The following CYP3A5 variants were observed in gnomAD, a reference collection of about 807,000 sequenced individuals.
CYP3A5 encodes cytochrome P450 3A5.
A neutral mutation model predicts 55.9 loss-of-function variants in CYP3A5; 51 were observed. That is an observed-to-expected ratio of 0.91 (90% confidence interval 0.73 to 1.15). The LOEUF (loss-of-function observed/expected upper bound fraction) is 1.15, where lower values mean the gene tolerates loss of function less well. Ranked by LOEUF, CYP3A5 falls within the 50% of genes most tolerant of loss-of-function variation. The pLI is 0.00. For synonymous variants in CYP3A5, 196 were observed against 213.9 expected, an observed-to-expected ratio of 0.92 and a Z score of 0.73; for missense variants, 533 against 596.6, an observed-to-expected ratio of 0.89 and a Z score of 1.11.
intron 10 of CYP3A5, among the ~76,000 whole-genome samples, chr7:99,656,004 A>G (rs1809686918): frequency 6.6e-6 from 1 of 152,210 alleles, no homozygotes; most frequent in Non-Finnish European, 1.5e-5. Context: ...TTTTCTAGAT[A>G]TACAATCATG....
chr7:99,679,719 T>C, intron 1 of CYP3A5, 107 bp downstream of exon 1: 1 of 1,064,840 alleles, frequency 9.4e-7, no homozygotes, highest in Non-Finnish European at 1.4e-6. Context: ...CTTCAGCTAC[T>C]TCTCCTTGAA....
chr7:99,669,703 G>T (rs1031910796), intron 4 of CYP3A5, among the ~76,000 whole-genome samples: 1 of 152,174 alleles, frequency 6.6e-6, no homozygotes, highest in Admixed American at 6.5e-5. Flanking sequence ...TAGAGGTATT[G>T]ATGATGAATA....
chr7:99,667,538 T>G lies in CYP3A5; in HGVS notation c.319-473A>C, dbSNP rs139447658. Among the ~76,000 whole-genome samples the G allele has an allele frequency of 3.2e-3, 485 of 152,270 alleles. 1 individual carries two copies. Among genetic ancestry groups the G allele is most frequent in the African/African-American group, 0.011 (472 of 41,550 alleles). ...TGGTGATTTTTTTTTGAAAAGTAGG[T>G]AATACTTAAAGACTAGAAACCTGTT... On this transcript the variant is annotated intron_variant, in intron 4 of 12. Transcript: ENST00000222982.
intron 12 of CYP3A5, 56 bp downstream of exon 12, chr7:99,650,017 A>G: frequency 2.5e-6 from 4 of 1,591,250 alleles, no homozygotes; most frequent in Non-Finnish European, 3.4e-6. Context: ...CTTTTAAAAA[A>G]TATATACCCT....
intron 10 of CYP3A5, chr7:99,658,777 C>A (rs980067644): frequency 6.6e-6 from 1 of 152,038 alleles, no homozygotes; most frequent in Non-Finnish European, 1.5e-5. Flanking sequence ...GGCTTTGTTC[C>A]TTTCTTTTTA....
chr7:99,666,753 G>A lies in CYP3A5; in HGVS notation c.433-64C>T. On this transcript the variant is annotated intron_variant, in intron 5 of 12. Transcript: ENST00000222982. ...CAGACTCAAGTCCCAGAAGGATATG[G>A]CTTTCTCCAGCATGGAGCAGTAAGT... 3 of 1,612,384 alleles carry A rather than the reference G, an allele frequency of 1.9e-6. No individual in the cohort carries two copies. In the South Asian group the frequency reaches 3.3e-5, roughly 18 times the overall value.
chr7:99,670,155 A>G (rs912718743), intron 4 of CYP3A5, among the ~76,000 whole-genome samples: 2 of 152,212 alleles, frequency 1.3e-5, no homozygotes, highest in Non-Finnish European at 2.9e-5. Context: ...TAAAGATTTT[A>G]TGCTTTGTGA....
chr7:99,665,084 G>A, intron 7 of CYP3A5, 82 bp downstream of exon 7: 1 of 1,180,260 alleles, frequency 8.5e-7, no homozygotes, highest in Non-Finnish European at 1.2e-6. Flanking sequence ...CCTTTTAAGT[G>A]GATGAATTAT....
At chr7:99,667,398 G>A (rs1262924624) in intron 4 of CYP3A5, among the ~76,000 whole-genome samples, 1 of 152,224 alleles carries the variant, frequency 6.6e-6, no homozygotes, top group Non-Finnish European at 1.5e-5. Context: ...TTCCCCAGGA[G>A]TGTGCAGAGT....
In CYP3A5 at chr7:99,662,828, C is replaced by T. The variant is rs774855888; in HGVS notation, c.853G>A (p.Glu285Lys). The change falls in exon 9 of 13, where the codon GAG (glutamate) becomes AAG (lysine). Residue 285 changes from glutamate (E) to lysine (K), a missense_variant. By Grantham distance (56) the Glu-to-Lys change is moderately conservative (BLOSUM62 1). Coordinates refer to ENST00000222982, the MANE Select transcript of CYP3A5 (RefSeq NM_000777.5). This position sits in a 1 kb window ranked among gnomAD's most constrained non-coding sequence, Gnocchi z 4.3. The stretch of plus-strand genomic sequence containing the variant: ...ACTCCTTGGTTACCTTTGTGGGACT[C>T]AGTTTCTTTCGAATTCTGGGAGTCA... ...MIDSQNSKET[E>K]SHKALSDLEL... 6.2e-7 allele frequency: 1 copy of T among 1,613,978 alleles called. No homozygotes were observed. Among genetic ancestry groups the T allele is most frequent in the South Asian group, 1.1e-5 (1 of 91,072 alleles).
rs77374360 is a variant in CYP3A5, at chr7:99,669,976, A to G, written c.318+2604T>C. Among the ~76,000 whole-genome samples the G allele has an allele frequency of 8.8e-3, 1,335 of 152,310 alleles. 18 individuals carry two copies. Among genetic ancestry groups the G allele is most frequent in the African/African-American group, 0.031 (1,297 of 41,554 alleles). ...ATACATCAAGAAAATCCATGTGCAC[A>G]AGCTTTAAAAGTAGATAACGTCATG... On this transcript the variant is annotated intron_variant, in intron 4 of 12. Coordinates refer to ENST00000222982, the MANE Select transcript of CYP3A5 (RefSeq NM_000777.5).
intron 4 of CYP3A5, among the ~76,000 whole-genome samples, chr7:99,668,514 T>C (rs1458810037): frequency 1.3e-5 from 2 of 152,216 alleles, no homozygotes; most frequent in Admixed American, 6.5e-5. Context: ...AATTTGACTA[T>C]GTGATTCTCA....
intron 10 of CYP3A5, among the ~76,000 whole-genome samples, chr7:99,658,274 C>T (rs1809987839): frequency 6.6e-6 from 1 of 152,116 alleles, no homozygotes; most frequent in Non-Finnish European, 1.5e-5. Context: ...TAGGGCAGGC[C>T]TGGTGGTGAC....
At position 99,652,689 on chromosome 7, in the gene CYP3A5, G is replaced by T. The variant is rs987823655; in HGVS notation, c.1117C>A (p.Leu373Ile). ...ACATCTTTCTTGCAAGTCCTCTCAA[G>T]TCTAATAGCAACTGGGAATAATCTG... ...TLRLFPVAIRLERTCKKDVEI... is the reference protein window; with the variant it reads ...TLRLFPVAIRIERTCKKDVEI... Residue 373 changes from leucine (L) to isoleucine (I), a missense_variant, in exon 11 of 13, where the codon CTT (leucine) becomes ATT (isoleucine). Leu to Ile is a conservative substitution (Grantham distance 5, BLOSUM62 2). Coordinates refer to ENST00000222982, the MANE Select transcript of CYP3A5 (RefSeq NM_000777.5). The T allele has an allele frequency of 6.2e-7, 1 of 1,613,994 alleles. No individual in the cohort carries two copies. Among genetic ancestry groups the T allele is most frequent in the Non-Finnish European group, 8.5e-7 (1 of 1,180,016 alleles).
intron 12 of CYP3A5, 99 bp from the exon 13 acceptor site, chr7:99,648,499 G>A: frequency 1.3e-5 from 9 of 706,860 alleles, no homozygotes; most frequent in Admixed American, 2.8e-5. Context: ...TGCTTTGCAA[G>A]CATATAAAAA....
At chr7:99,657,939 G>C (rs1442218117) in intron 10 of CYP3A5, among the ~76,000 whole-genome samples, 1 of 152,116 alleles carries the variant, frequency 6.6e-6, no homozygotes, top group Non-Finnish European at 1.5e-5. Flanking sequence ...TTGCTTGGTA[G>C]ATCTTCCTCC....
rs748026852 is a variant in CYP3A5, at chr7:99,648,358, T to C, written c.1456A>G (p.Lys486Glu). Reference protein sequence around the residue: ...LDTQGLLQPEKPIVLKVDSRD... With the variant: ...LDTQGLLQPEEPIVLKVDSRD... ...GAATCCACCTTTAGAACAATGGGTT[T>C]TTCTGGTTGAAGAAGTCCTTGCGTG... Residue 486 changes from lysine to glutamate, a missense_variant, in exon 13 of 13, where the codon AAA (lysine) becomes GAA (glutamate). Coordinates refer to ENST00000222982, the MANE Select transcript of CYP3A5 (RefSeq NM_000777.5). 3 of 1,612,044 alleles carry C rather than the reference T, an allele frequency of 1.9e-6. No individual in the cohort carries two copies. In the African/African-American group the frequency reaches 4.0e-5, roughly 22 times the overall value.
chr7:99,675,408 C>T (rs1385586752), intron 2 of CYP3A5, among the ~76,000 whole-genome samples: 1 of 151,960 alleles, frequency 6.6e-6, no homozygotes, highest in Non-Finnish European at 1.5e-5. Flanking sequence ...GTGTAGAATT[C>T]TCAGATAGTA....
chr7:99,674,012 T>C (rs942065169), intron 3 of CYP3A5, among the ~76,000 whole-genome samples: 19 of 152,226 alleles, frequency 1.2e-4, no homozygotes, highest in African/African-American at 3.9e-4. Flanking sequence ...ACCAAAGTGA[T>C]GTCACTAATT....
Sources: gnomAD v4.1 joint callset for allele counts (sites outside exome capture counted in the v4.1 genomes callset) on GRCh38, gnomAD v4.1.1 for gene constraint, Gnocchi (gnomAD v3.1) non-coding constraint, MANE v1.5 for transcripts, NCBI Gene and HGNC (gene_info 2026-07-23, HGNC 2026-07-21) for gene names.